LIPA: variants seen among roughly 807,000 people sequenced by gnomAD.
LIPA encodes lysosomal acid lipase/cholesteryl ester hydrolase.
A neutral mutation model predicts 40.6 loss-of-function variants in LIPA; 26 were observed. That is an observed-to-expected ratio of 0.64 (90% CI 0.47 to 0.89). LIPA has a LOEUF of 0.89. Ranked by LOEUF, LIPA falls within the 40% of genes least tolerant of loss-of-function variation. The probability of loss-of-function intolerance (pLI) is 0.00; values close to 1 mark genes in which losing one functional copy is unlikely to be tolerated. For missense variants in LIPA, 455 were observed against 479.6 expected, an observed-to-expected ratio of 0.95 and a Z score of 0.48; for synonymous variants, 188 against 168.4, an observed-to-expected ratio of 1.12 and a Z score of -0.90.
chr10:89,346,256 A>G (rs1326168025), upstream of LIPA, among the ~76,000 whole-genome samples: 2 of 152,218 alleles, frequency 1.3e-5, no homozygotes, highest in Non-Finnish European at 2.9e-5. Flanking sequence ...GCAGCTTCCC[A>G]TCATGTTAAC....
chr10:89,306,646 T>C (rs775486872), intron 1 of LIPA: 1 of 1,613,888 alleles, frequency 6.2e-7, no homozygotes, highest in Non-Finnish European at 8.5e-7. Context: ...AAGAGGAAGG[T>C]GAAGGAGAGA....
intron 8 of LIPA, among the ~76,000 whole-genome samples, chr10:89,218,265 T>A (rs1434975425): frequency 3.3e-5 from 5 of 152,232 alleles, no homozygotes; most frequent in African/African-American, 1.2e-4. Context: ...TCTACTGCTA[T>A]AAATGTATCA....
intron 7 of LIPA, 70 bp downstream of exon 7, chr10:89,223,614 T>C: frequency 8.0e-7 from 1 of 1,244,764 alleles, no homozygotes; most frequent in Admixed American, 1.7e-5. Context: ...ACCTCTCCCA[T>C]ATCATTCAAC....
At chr10:89,305,543 C>T (rs1843472685) in intron 1 of LIPA, among the ~76,000 whole-genome samples, 1 of 151,996 alleles carries the variant, frequency 6.6e-6, no homozygotes, top group South Asian at 2.1e-4. Flanking sequence ...AATTATAAAG[C>T]TGAAATTTTC....
intron 1 of LIPA, chr10:89,302,239 T>C: frequency 2.7e-6 from 3 of 1,131,914 alleles, no homozygotes; most frequent in Non-Finnish European, 4.0e-6. Context: ...TGTTTGTTTA[T>C]AGCCTTACTA....
At chr10:89,401,454 G>T (rs964045436) in intron 2 of LIPA, among the ~76,000 whole-genome samples, 51 of 152,080 alleles carry the variant, frequency 3.4e-4, no homozygotes, top group African/African-American at 1.2e-3. Flanking sequence ...AAATTACAGA[G>T]ATGAAGAACA....
chr10:89,405,312 C>A (rs1387820639), intron 2 of LIPA: 1 of 152,096 alleles, frequency 6.6e-6, no homozygotes, highest in African/African-American at 2.4e-5. Flanking sequence ...AATCAGAGAT[C>A]ATGGGTAACA....
chr10:89,405,503 A>G (rs1844515604), intron 2 of LIPA: 1 of 152,236 alleles, frequency 6.6e-6, no homozygotes, highest in Non-Finnish European at 1.5e-5. Context: ...TTAAAATTTC[A>G]CAGATTTACT....
intron 1 of LIPA, among the ~76,000 whole-genome samples, chr10:89,259,900 G>A (rs1040389810): frequency 6.6e-6 from 1 of 152,170 alleles, no homozygotes; most frequent in Admixed American, 6.5e-5. Flanking sequence ...GGGAGGAGAG[G>A]AGGCTGGATG....
At chr10:89,404,255 G>A (rs761262077) in intron 2 of LIPA, 1 of 152,492 alleles carries the variant, frequency 6.6e-6, no homozygotes, top group Non-Finnish European at 1.5e-5. Context: ...CTCACTCCAC[G>A]TAGCGCCACA....
intron 2 of LIPA, among the ~76,000 whole-genome samples, chr10:89,407,373 A>G (rs1164375607): frequency 2.0e-5 from 3 of 152,136 alleles, no homozygotes; most frequent in African/African-American, 7.2e-5. Flanking sequence ...AGTTTCCCCT[A>G]TAAGAATGAT....
chr10:89,369,642 T>G (rs991759629), intron 2 of LIPA, among the ~76,000 whole-genome samples: 3 of 152,242 alleles, frequency 2.0e-5, no homozygotes, highest in African/African-American at 7.2e-5. Context: ...GATAATGCTT[T>G]TTAATGAGTT....
At chr10:89,322,934 G>A (rs1843579870) in intron 1 of LIPA, among the ~76,000 whole-genome samples, 2 of 152,142 alleles carry the variant, frequency 1.3e-5, no homozygotes, top group South Asian at 2.1e-4. Context: ...TTCCATCCCA[G>A]TGGTTCCACT....
At chr10:89,400,987 G>C (rs372258270) in intron 2 of LIPA, among the ~76,000 whole-genome samples, 1 of 150,700 alleles carries the variant, frequency 6.6e-6, no homozygotes, top group Non-Finnish European at 1.5e-5. Context: ...GTTGAATTTT[G>C]TCAAATGCTT....
rs1196898036 is a variant in LIPA, at chr10:89,328,018, G to A, written c.-2+14593C>T. 3 of 1,609,518 alleles carry A rather than the reference G, an allele frequency of 1.9e-6. No individual in the cohort carries two copies. The African/African-American group carries it at 4.0e-5, about 22-fold the overall frequency. On this transcript the variant is annotated intron_variant, in intron 1 of 5. Coordinates refer to the LIPA transcript ENST00000282673. ...TGAGGCAGACAGGAAGACTTCTGAA[G>A]AACAAATCAGCCTGGTCACCAGCTT... is the stretch of plus-strand genomic sequence containing the variant.
upstream of LIPA, among the ~76,000 whole-genome samples, chr10:89,347,292 G>C (rs1439718660): frequency 6.6e-6 from 1 of 152,158 alleles, no homozygotes; most frequent in Non-Finnish European, 1.5e-5. Flanking sequence ...TGTGCCCAAG[G>C]GTTTTACTGG....
intron 1 of LIPA, among the ~76,000 whole-genome samples, chr10:89,272,655 C>A (rs1388096621): frequency 5.3e-5 from 8 of 152,120 alleles, no homozygotes; most frequent in Admixed American, 5.2e-4. Flanking sequence ...GCCTTTAGGT[C>A]TTTGGGGAAT....
intron 8 of LIPA, among the ~76,000 whole-genome samples, chr10:89,217,844 C>G (rs935446413): frequency 6.6e-6 from 1 of 152,156 alleles, no homozygotes; most frequent in Non-Finnish European, 1.5e-5. Context: ...AATGTCTGGG[C>G]ATTTCTTTTT....
Position 89,225,885 on chromosome 10 carries a change from T to TGGCTCTCACTC in LIPA, c.539-668_539-658dup, listed in dbSNP as rs1460698680. Among the ~76,000 whole-genome samples, 3 of 152,194 alleles carry TGGCTCTCACTC rather than the reference T, an allele frequency of 2.0e-5. No homozygotes were observed. In the East Asian group the frequency reaches 5.8e-4, roughly 29 times the overall value. ...TTTTATAAGGGGAAACTCCCTCACTTGGCTCTCACTCTCTCTTGTCTGCCA... is the reference window on the plus strand; with the variant it reads ...TTTTATAAGGGGAAACTCCCTCACTTGGCTCTCACTCGGCTCTCACTCTCTCTTGTCTGCCA... On this transcript the variant is annotated intron_variant, in intron 5 of 9. Transcript: ENST00000336233.
Sources: allele counts gnomAD v4.1 joint callset (sites outside exome capture counted in the v4.1 genomes callset), GRCh38; gene constraint gnomAD v4.1.1; transcripts MANE v1.5; gene names NCBI Gene and HGNC (gene_info 2026-07-23, HGNC 2026-07-21).